LMNTD1: variants seen among roughly 807,000 people sequenced by gnomAD.
The protein encoded by LMNTD1 is lamin tail domain-containing protein 1.
A neutral mutation model predicts 50.9 loss-of-function variants in LMNTD1; 35 were observed. The observed-to-expected ratio is 0.69, with a 90% CI of 0.53 to 0.91. The LOEUF is 0.91. Among genes scored for constraint, LMNTD1 ranks in the 40% least tolerant of loss-of-function variants. LMNTD1 has a pLI of 0.00. For missense variants in LMNTD1, 470 were observed against 475.5 expected (o/e 0.99, Z 0.11); for synonymous variants, 153 against 161.9 (o/e 0.94, Z 0.42).
chr12:25,636,210 G>C (rs1322073699), intron 1 of LMNTD1, among the ~76,000 whole-genome samples: 1 of 151,948 alleles, frequency 6.6e-6, no homozygotes, highest in African/African-American at 2.4e-5. Context: ...CCACAGAGTG[G>C]GAGAAAATCT....
intron 1 of LMNTD1, among the ~76,000 whole-genome samples, chr12:25,626,527 G>A (rs1222085349): frequency 6.6e-6 from 1 of 151,928 alleles, no homozygotes; most frequent in Non-Finnish European, 1.5e-5. Flanking sequence ...CTTTTTTTGT[G>A]AACTGAATTC....
intron 1 of LMNTD1, among the ~76,000 whole-genome samples, chr12:25,565,012 T>A (rs535723852): frequency 6.6e-6 from 1 of 152,330 alleles, no homozygotes; most frequent in African/African-American, 2.4e-5. Flanking sequence ...GATTTTCTCT[T>A]GAAATCTATT....
At chr12:25,573,618 G>A (rs1310323780) in intron 1 of LMNTD1, among the ~76,000 whole-genome samples, 1 of 152,012 alleles carries the variant, frequency 6.6e-6, no homozygotes, top group Non-Finnish European at 1.5e-5. Flanking sequence ...GGTCCGTGAT[G>A]CCTATTTTGT....
chr12:25,561,707 T>C (rs1413928248), intron 1 of LMNTD1, among the ~76,000 whole-genome samples: 1 of 152,208 alleles, frequency 6.6e-6, no homozygotes, highest in Non-Finnish European at 1.5e-5. Flanking sequence ...GTTAACTTTC[T>C]GTCTCGTTGA....
At chr12:25,557,081 A>G (rs1234117547), upstream of LMNTD1, among the ~76,000 whole-genome samples, 1 of 152,210 alleles carries the variant, frequency 6.6e-6, no homozygotes, top group African/African-American at 2.4e-5. Flanking sequence ...TTGGAATACA[A>G]TTGTAGGAAT....
chr12:25,619,217 ACTCTCTCTCTCTCTCTCTCTCT>A (rs143233739), intron 1 of LMNTD1, among the ~76,000 whole-genome samples: 1 of 120,112 alleles, frequency 8.3e-6, no homozygotes, highest in African/African-American at 3.2e-5. Context: ...ATGCTTTTCA[ACTCTCTCTCTCTCTCTCTCTCT>A]CTCTCTCTCT....
intron 1 of LMNTD1, among the ~76,000 whole-genome samples, chr12:25,615,648 A>C (rs768359246): frequency 3.3e-5 from 5 of 151,982 alleles, no homozygotes; most frequent in Non-Finnish European, 5.9e-5. Context: ...TTTGGTAGAG[A>C]CAGGGTTTCA....
At chr12:25,535,152 A>G (rs1942495709) in intron 4 of LMNTD1, among the ~76,000 whole-genome samples, 2 of 152,194 alleles carry the variant, frequency 1.3e-5, no homozygotes, top group Non-Finnish European at 2.9e-5. Context: ...AAATGTAGAG[A>G]CATGACTGAG....
chr12:25,547,017 C>G (rs1301037744), intron 3 of LMNTD1, among the ~76,000 whole-genome samples: 1 of 151,558 alleles, frequency 6.6e-6, no homozygotes, highest in African/African-American at 2.4e-5. Flanking sequence ...AGTACTCTTG[C>G]CAGGTAAAGA....
At chr12:25,519,586 T>TTAAA (rs781742784) in intron 7 of LMNTD1, among the ~76,000 whole-genome samples, 1 of 74,956 alleles carries the variant, frequency 1.3e-5, no homozygotes, top group African/African-American at 6.5e-5. Context: ...AGACTCTGTC[T>TTAAA]CAAAAAAAAA....
chr12:25,586,537 A>G (rs1945529083), intron 1 of LMNTD1, among the ~76,000 whole-genome samples: 1 of 152,130 alleles, frequency 6.6e-6, no homozygotes, highest in Non-Finnish European at 1.5e-5. Context: ...GGGTGTGACC[A>G]TGTGACTAAG....
chr12:25,618,804 A>T (rs556242344), intron 1 of LMNTD1, among the ~76,000 whole-genome samples: 39 of 152,244 alleles, frequency 2.6e-4, no homozygotes, highest in Non-Finnish European at 5.0e-4. Flanking sequence ...AAGCTTCAAC[A>T]TCATATTTTG....
chr12:25,512,244 T>C (rs2135990177), intron 8 of LMNTD1, among the ~76,000 whole-genome samples: 1 of 152,288 alleles, frequency 6.6e-6, no homozygotes, highest in Middle Eastern at 3.4e-3. Flanking sequence ...GCTTCAACAG[T>C]TGACAGTGGA....
Position 25,648,175 on chromosome 12 carries a change from AC to A in LMNTD1, c.58+318del, listed in dbSNP as rs1592136586. On this transcript the variant is annotated intron_variant, in intron 1 of 7. Coordinates refer to the LMNTD1 transcript ENST00000445693. Reference sequence around the variant, plus strand: ...TTACTTCTGTAGGATACCTCTTTTTACACACTAATATGTCATTCTTGTTTAT... The same window carrying A: ...TTACTTCTGTAGGATACCTCTTTTTAACACTAATATGTCATTCTTGTTTAT... 2.0e-5 allele frequency among the ~76,000 whole-genome samples: 3 copies of A among 152,356 alleles called. No individual in the cohort carries two copies. The East Asian group carries it at 5.8e-4, about 29-fold the overall frequency.
At chr12:25,633,032 GAAA>G (rs144752389) in intron 1 of LMNTD1, among the ~76,000 whole-genome samples, 1 of 103,638 alleles carries the variant, frequency 9.6e-6, no homozygotes, top group Admixed American at 1.0e-4. Context: ...TCTTATATCA[GAAA>G]AAAAAAAACA....
At chr12:25,527,681 T>TATACACACAC (rs1463259109) in intron 4 of LMNTD1, among the ~76,000 whole-genome samples, 11 of 32,312 alleles carry the variant, frequency 3.4e-4, no homozygotes, top group East Asian at 1.1e-3. Flanking sequence ...TATATATATA[T>TATACACACAC]ACACACACAC....
At chr12:25,628,677 G>C (rs1015441703) in intron 1 of LMNTD1, among the ~76,000 whole-genome samples, 1 of 152,180 alleles carries the variant, frequency 6.6e-6, no homozygotes, top group African/African-American at 2.4e-5. Flanking sequence ...TCAGAGAGAA[G>C]GCCATGCGAC....
intron 6 of LMNTD1, among the ~76,000 whole-genome samples, chr12:25,523,057 CAG>C (rs1283087114): frequency 1.3e-5 from 2 of 151,842 alleles, no homozygotes; most frequent in Admixed American, 1.3e-4. Context: ...TTTTTCGAGA[CAG>C]AGTCTTACTC....
intron 1 of LMNTD1, among the ~76,000 whole-genome samples, chr12:25,604,875 A>G (rs1027567522): frequency 2.0e-5 from 3 of 152,220 alleles, no homozygotes; most frequent in East Asian, 1.9e-4. Context: ...TAATGGGATG[A>G]CTGGGTCAAA....
Sources: gnomAD v4.1 joint callset for allele counts (sites outside exome capture counted in the v4.1 genomes callset) on GRCh38, gnomAD v4.1.1 for gene constraint, MANE v1.5 for transcripts, NCBI Gene and HGNC (gene_info 2026-07-23, HGNC 2026-07-21) for gene names.